Variants in PRDM16 observed in about 807,000 individuals in gnomAD.
PRDM16 encodes the protein histone-lysine N-methyltransferase PRDM16.
Under a neutral mutation model 110.6 loss-of-function variants are expected in PRDM16, and 23 were observed. That is an observed-to-expected ratio of 0.21 (90% confidence interval 0.15 to 0.29). The LOEUF (loss-of-function observed/expected upper bound fraction) is 0.29. Among genes scored for constraint, PRDM16 ranks in the 10% least tolerant of loss-of-function variants. PRDM16 has a pLI of 1.00. For missense variants in PRDM16, 1,615 were observed against 1,794.3 expected (o/e 0.90, Z 1.81); for synonymous variants, 799 against 781.8 (o/e 1.02, Z -0.37).
chr1:3,203,588 G>A (rs573444918), intron 2 of PRDM16, among the ~76,000 whole-genome samples: 1 of 152,218 alleles, frequency 6.6e-6, no homozygotes, highest in East Asian at 1.9e-4. Context: ...TCCCCGGGGG[G>A]GCCAGGGTGT....
rs978367121 is a variant in PRDM16, at chr1:3,245,193, C to T, written c.438+1056C>T. ...TGGATTCCGTGACGCAGCATATGGG[C>T]TTGAGGGGTACTGGCAGCCTTGTGG... On this transcript the variant is annotated intron_variant, in intron 3 of 16. Transcript: ENST00000270722. The surrounding 1 kb of genome is among the most constrained non-coding windows in gnomAD (Gnocchi z 4.7). Among the ~76,000 whole-genome samples the T allele has an allele frequency of 5.3e-5, 8 of 152,110 alleles. No homozygotes were observed. The highest frequency in any genetic ancestry group is 1.3e-4 in the Admixed American group (2 of 15,278).
At chr1:3,322,691 A>C (rs957249538) in intron 3 of PRDM16, among the ~76,000 whole-genome samples, 1 of 152,204 alleles carries the variant, frequency 6.6e-6, no homozygotes, top group African/African-American at 2.4e-5. Flanking sequence ...CTTCTCCCCC[A>C]GATGGCCACC....
At chr1:3,301,087 T>A (rs908897323) in intron 3 of PRDM16, among the ~76,000 whole-genome samples, 6 of 151,824 alleles carry the variant, frequency 4.0e-5, no homozygotes, top group Admixed American at 3.9e-4. Context: ...TCCCAACACT[T>A]TGGGAGGATA....
At chr1:3,228,804 G>T (rs1156419214) in intron 2 of PRDM16, among the ~76,000 whole-genome samples, 2 of 152,270 alleles carry the variant, frequency 1.3e-5, no homozygotes, top group East Asian at 3.9e-4. Flanking sequence ...TCCTGCCATG[G>T]GGTCTCCTTT....
intron 1 of PRDM16, among the ~76,000 whole-genome samples, chr1:3,185,052 T>A (rs1644252348): frequency 6.6e-6 from 1 of 152,192 alleles, no homozygotes; most frequent in South Asian, 2.1e-4. Context: ...TTGGGCTGTT[T>A]CTGCCTTCTG....
At chr1:3,392,702 C>T (rs1643318798) in intron 4 of PRDM16, among the ~76,000 whole-genome samples, 1 of 152,190 alleles carries the variant, frequency 6.6e-6, no homozygotes, top group South Asian at 2.1e-4. Flanking sequence ...TAAATGATTT[C>T]TGTGTCTTAA....
rs746661891 is a variant in PRDM16, at chr1:3,430,966, G to C, written c.3379G>C (p.Glu1127Gln). 1 of 1,612,274 alleles carries C rather than the reference G, an allele frequency of 6.2e-7. No homozygotes were observed. Among genetic ancestry groups the C allele is most frequent in the Non-Finnish European group, 8.5e-7 (1 of 1,179,208 alleles). The change falls in exon 15 of 17, where the codon GAG (glutamate) becomes CAG (glutamine). Residue 1127 changes from glutamate to glutamine, a missense_variant. Glu to Gln is a conservative substitution (Grantham distance 29). Around this residue, in one of 5 missense-constraint regions of PRDM16, gnomAD observed 327 missense variants for 359.3 expected, o/e 0.91. Coordinates refer to ENST00000270722, the MANE Select transcript of PRDM16 (RefSeq NM_022114.4). ...GGAGGAGGAGGACGACGATGACCTG[G>C]AGGAGGACGATGAGGACAGCCTGGC... ...DVEEEDDDDL[E>Q]EDDEDSLAGK...
At chr1:3,294,024 G>A (rs961681020) in intron 3 of PRDM16, among the ~76,000 whole-genome samples, 1 of 152,186 alleles carries the variant, frequency 6.6e-6, no homozygotes, top group Non-Finnish European at 1.5e-5. Context: ...CCATTCCCCT[G>A]CCTCACTGTG....
rs151046111 is a variant in PRDM16 at position 3,099,378 on chromosome 1, G to A, written c.37+30082G>A. Among the ~76,000 whole-genome samples, 37 of 152,356 alleles carry A rather than the reference G, an allele frequency of 2.4e-4. No individual in the cohort carries two copies. In the East Asian group the frequency reaches 2.5e-3, roughly 10 times the overall value. The stretch of plus-strand genomic sequence containing the variant: ...AAGGGGCCGGGAGAGATGTGTGCCC[G>A]CTATGTGGCTTCAGCTACACCAATA... On this transcript the variant is annotated intron_variant, in intron 1 of 16. Transcript: ENST00000270722.
At chr1:3,084,438 C>T (rs1019965324) in intron 1 of PRDM16, among the ~76,000 whole-genome samples, 4 of 152,204 alleles carry the variant, frequency 2.6e-5, no homozygotes, top group East Asian at 1.9e-4. Context: ...TGCTCTGGCA[C>T]GAGGCCCTTT....
At chr1:3,162,089 G>A (rs1357272670) in intron 1 of PRDM16, among the ~76,000 whole-genome samples, 1 of 152,162 alleles carries the variant, frequency 6.6e-6, no homozygotes, top group Admixed American at 6.5e-5. Flanking sequence ...CCACACATGG[G>A]CTAATTGTGG....
At chr1:3,336,875 G>A (rs544096837) in intron 3 of PRDM16, among the ~76,000 whole-genome samples, 5 of 151,758 alleles carry the variant, frequency 3.3e-5, no homozygotes, top group African/African-American at 9.7e-5. Flanking sequence ...GTGCATGTGT[G>A]AGTGCATGCA....
At chr1:3,299,726 C>T (rs76372949) in intron 3 of PRDM16, among the ~76,000 whole-genome samples, 1 of 105,296 alleles carries the variant, frequency 9.5e-6, no homozygotes. Context: ...ATGCTGTGGC[C>T]ATGATGTTTC....
intron 3 of PRDM16, among the ~76,000 whole-genome samples, chr1:3,340,007 G>A (rs1642240131): frequency 6.6e-6 from 1 of 152,202 alleles, no homozygotes; most frequent in African/African-American, 2.4e-5. Context: ...TGAAATTTCT[G>A]TCTGATGCTC....
At chr1:3,424,815 T>C (rs779255443) in intron 12 of PRDM16, 2 of 141,420 alleles carry the variant, frequency 1.4e-5, no homozygotes, top group African/African-American at 2.6e-5. Context: ...AGCTGGTCTG[T>C]GGAGCCCCTC....
intron 3 of PRDM16, among the ~76,000 whole-genome samples, chr1:3,356,234 T>TC (rs1642596835): frequency 6.6e-6 from 1 of 152,166 alleles, no homozygotes; most frequent in South Asian, 2.1e-4. Context: ...GGCCGACGTG[T>TC]CTGGTGTTTG....
chr1:3,121,702 C>T (rs1260383470), intron 1 of PRDM16, among the ~76,000 whole-genome samples: 1 of 152,242 alleles, frequency 6.6e-6, no homozygotes, highest in Non-Finnish European at 1.5e-5. Context: ...CGGGGCAGGG[C>T]CAAGTGCCGC....
At chr1:3,147,907 C>A (rs1009080318) in intron 1 of PRDM16, among the ~76,000 whole-genome samples, 2 of 152,192 alleles carry the variant, frequency 1.3e-5, no homozygotes, top group Non-Finnish European at 2.9e-5. Flanking sequence ...TTCAGATGCA[C>A]TGGGCCAGGC....
rs192214390 is a variant in PRDM16 at position 3,383,261 on chromosome 1, C to T, written c.439-1891C>T. Among the ~76,000 whole-genome samples, 8 of 152,302 alleles carry T rather than the reference C, an allele frequency of 5.3e-5. No individual in the cohort carries two copies. The South Asian group carries it at 8.3e-4, about 16-fold the overall frequency. On this transcript the variant is annotated intron_variant, in intron 3 of 16. Coordinates refer to ENST00000270722, the MANE Select transcript of PRDM16 (RefSeq NM_022114.4). ...GCCAGAAGGGGCCCAGGGGCAGGCA[C>T]GGCTGTGTGTGATAGGGAGCACAGG...
Sources: gnomAD v4.1 joint callset for allele counts (sites outside exome capture counted in the v4.1 genomes callset) on GRCh38, gnomAD v4.1.1 for gene constraint, gnomAD v4.1.1 regional missense constraint, Gnocchi (gnomAD v3.1) non-coding constraint, MANE v1.5 for transcripts, NCBI Gene and HGNC (gene_info 2026-07-23, HGNC 2026-07-21) for gene names.